The following LHX4 variants were observed in gnomAD, a reference collection of about 807,000 sequenced individuals.
The protein encoded by LHX4 is LIM homeobox 4.
LHX4 carries 16 observed loss-of-function variants against 39.2 expected under a neutral mutation model. The ratio of observed to expected loss-of-function variants is 0.41; its 90% CI spans 0.28 to 0.62. The LOEUF (loss-of-function observed/expected upper bound fraction) is 0.62. Ranked by LOEUF, LHX4 falls within the 20% of genes least tolerant of loss-of-function variation. The pLI is 0.33. For missense variants in LHX4, 439 were observed against 511.9 expected (o/e 0.86, Z 1.37); for synonymous variants, 206 against 198.1 (o/e 1.04, Z -0.33).
At chr1:180,237,046 G>T (rs1294417990) in intron 1 of LHX4, among the ~76,000 whole-genome samples, 1 of 152,188 alleles carries the variant, frequency 6.6e-6, no homozygotes, top group Non-Finnish European at 1.5e-5. Context: ...ACTGCTTTTA[G>T]TAAAATTCCA....
At chr1:180,270,532 A>G (rs1648584045) in intron 3 of LHX4, 1 of 152,274 alleles carries the variant, frequency 6.6e-6, no homozygotes, top group Non-Finnish European at 1.5e-5. Context: ...CTGACTTTGA[A>G]TGGAACAAAC....
Position 180,275,486 on chromosome 1 carries a change from G to C in LHX4, c.*907G>C, listed in dbSNP as rs992201734. 1 of 152,236 alleles carries C rather than the reference G, an allele frequency of 6.6e-6. No homozygotes were observed. The highest frequency in any genetic ancestry group is 6.5e-5 in the Admixed American group (1 of 15,288). The allele number at this position is 152,236 out of a possible 1,614,324, so 9.4% of individuals were successfully genotyped here. A position where few individuals can be genotyped will look rare whatever the true frequency, so the allele number is the denominator to read the frequency against. ...GACACATTTGGATTCCAAACCTGCA[G>C]TCTGTTCAGCCATATCGGCTGATGC... is the stretch of plus-strand genomic sequence containing the variant. On this transcript the variant is annotated 3_prime_UTR_variant, in exon 6 of 6. Transcript: ENST00000263726.
At chr1:180,247,530 C>T (rs1423167761) in intron 1 of LHX4, among the ~76,000 whole-genome samples, 1 of 152,190 alleles carries the variant, frequency 6.6e-6, no homozygotes, top group Non-Finnish European at 1.5e-5. Flanking sequence ...CCTCAGCTAT[C>T]CTGACATTTA....
chr1:180,236,904 C>T (rs2149252840), intron 1 of LHX4, among the ~76,000 whole-genome samples: 1 of 152,274 alleles, frequency 6.6e-6, no homozygotes, highest in African/African-American at 2.4e-5. Context: ...GCTGCATAGA[C>T]GGCTGAATTT....
chr1:180,230,372 C>T lies in LHX4; in HGVS notation c.-158C>T. ...CTGGCGGGGGGAGGGGGCCGGCCAG[C>T]CTGTGGAGTCCTCCCTGAGAAGCGG... On this transcript the variant is annotated 5_prime_UTR_variant, in exon 1 of 6. Coordinates refer to ENST00000263726, the MANE Select transcript of LHX4 (RefSeq NM_033343.4). This position sits in a 1 kb window ranked among gnomAD's most constrained non-coding sequence, Gnocchi z 5.8. The T allele has an allele frequency of 1.5e-6, 1 of 675,572 alleles. No homozygotes were observed. Among genetic ancestry groups the T allele is most frequent in the Non-Finnish European group, 2.7e-6 (1 of 375,812 alleles). 41.8% of individuals were successfully genotyped at this position (675,572 alleles called of 1,614,324 possible).
intron 3 of LHX4, chr1:180,269,530 G>A (rs553523891): frequency 3.3e-5 from 5 of 152,278 alleles, no homozygotes; most frequent in East Asian, 1.9e-4. Context: ...CCGAACCAGC[G>A]GGCCACCAAC....
intron 2 of LHX4, among the ~76,000 whole-genome samples, chr1:180,253,890 G>A (rs1264862365): frequency 6.6e-6 from 1 of 152,214 alleles, no homozygotes; most frequent in African/African-American, 2.4e-5. Flanking sequence ...ACTGCCTGGA[G>A]CTCCTCAGTT....
chr1:180,260,922 C>T (rs987140544), intron 2 of LHX4, among the ~76,000 whole-genome samples: 2 of 151,874 alleles, frequency 1.3e-5, no homozygotes, highest in South Asian at 4.1e-4. Flanking sequence ...GTCGGCACCT[C>T]ACCTCTCTGA....
intron 1 of LHX4, among the ~76,000 whole-genome samples, chr1:180,246,349 T>C (rs1647381708): frequency 6.6e-6 from 1 of 152,232 alleles, no homozygotes; most frequent in Admixed American, 6.5e-5. Flanking sequence ...TCTTAGTACA[T>C]TGAGGGTAAT....
intron 2 of LHX4, among the ~76,000 whole-genome samples, chr1:180,257,882 TG>T (rs1647926041): frequency 6.6e-6 from 1 of 152,198 alleles, no homozygotes; most frequent in Non-Finnish European, 1.5e-5. Context: ...GGAGAGGCAC[TG>T]AGTTCAAATC....
intron 2 of LHX4, among the ~76,000 whole-genome samples, chr1:180,261,592 A>G (rs948200267): frequency 1.1e-4 from 17 of 152,140 alleles, no homozygotes; most frequent in African/African-American, 4.1e-4. Context: ...GCAGTGAGCT[A>G]TGATTGTGGC....
intron 2 of LHX4, among the ~76,000 whole-genome samples, chr1:180,265,423 C>G (rs927588823): frequency 6.6e-6 from 1 of 152,186 alleles, no homozygotes; most frequent in Non-Finnish European, 1.5e-5. Context: ...TCCCTCGTCT[C>G]CTATGACCAT....
chr1:180,229,970 G>GGGT (rs1558204957), upstream of LHX4, among the ~76,000 whole-genome samples: 108 of 144,086 alleles, frequency 7.5e-4, 13 homozygotes, highest in Admixed American at 4.7e-4. Context: ...GGGGAGGGGG[G>GGGT]GGGGGTGCCG....
In LHX4 at chr1:180,248,468, C is replaced by T. The variant is rs115032096; in HGVS notation, c.248+12C>T. The T allele has an allele frequency of 2.9e-4, 463 of 1,613,678 alleles. 1 individual carries two copies. In the African/African-American group the frequency reaches 4.5e-3, roughly 16 times the overall value. ...GAGGACTTCTTCAAGTAAGTCAGAACGGTCCGTCTCGTGGCCCTGGCCTGT... is the reference window on the plus strand; with the variant it reads ...GAGGACTTCTTCAAGTAAGTCAGAATGGTCCGTCTCGTGGCCCTGGCCTGT... On this transcript the variant is annotated intron_variant, in intron 2 of 5. Transcript: ENST00000263726.
At chr1:180,243,861 G>C (rs1178529841) in intron 1 of LHX4, among the ~76,000 whole-genome samples, 2 of 152,114 alleles carry the variant, frequency 1.3e-5, no homozygotes, top group Non-Finnish European at 2.9e-5. Context: ...ATCGTGTTGA[G>C]ACTCTCTCTG....
Position 180,272,004 on chromosome 1 carries a change from G to C in LHX4, c.776G>C (p.Arg259Pro), listed in dbSNP as rs375216188. ...GTTAGTGACAGTGAGCTGAGCTTCC[G>C]AGGTGAGCAGGGCTGGAGGGGCCAG... ...CGVSDSELSF[R>P]EDQILSELGH... Residue 259 changes from arginine to proline, a missense_variant and splice_region_variant, in exon 5 of 6, where the codon CGA (arginine) becomes CCA (proline). Arg to Pro is a moderately radical substitution (Grantham distance 103, BLOSUM62 -2). Coordinates refer to ENST00000263726, the MANE Select transcript of LHX4 (RefSeq NM_033343.4). 1 of 1,611,878 alleles carries C rather than the reference G, an allele frequency of 6.2e-7. No individual in the cohort carries two copies. The highest frequency in any genetic ancestry group is 1.3e-5 in the African/African-American group (1 of 74,748).
intron 2 of LHX4, among the ~76,000 whole-genome samples, chr1:180,253,730 C>T (rs1647726300): frequency 6.6e-6 from 1 of 152,206 alleles, no homozygotes; most frequent in African/African-American, 2.4e-5. Context: ...GCTTTGTAAA[C>T]ACTGCCGGGT....
rs931303191 is a variant in LHX4, at chr1:180,232,527, AC to A, written c.76+1929del. Among the ~76,000 whole-genome samples, 4 of 151,602 alleles carry A rather than the reference AC, an allele frequency of 2.6e-5. No individual in the cohort carries two copies. The highest frequency in any genetic ancestry group is 3.9e-4 in the East Asian group (2 of 5,170). ...GGTGTACAAAGGAACTTCCACACCC[AC>A]CCCCCCAGGGTGGCCCAGGGAGGCA... On this transcript the variant is annotated intron_variant, in intron 1 of 5. Coordinates refer to ENST00000263726, the MANE Select transcript of LHX4 (RefSeq NM_033343.4). The surrounding 1 kb of genome is among the most constrained non-coding windows in gnomAD (Gnocchi z 5.4).
chr1:180,271,503 C>G lies in LHX4; in HGVS notation c.575C>G (p.Ser192Ter). Residue 192 changes from serine to a stop codon, truncating the protein, a stop_gained, in exon 4 of 6, where the codon TCA (serine) becomes TGA (stop). Coordinates refer to ENST00000263726, the MANE Select transcript of LHX4 (RefSeq NM_033343.4). LOFTEE classifies it high-confidence loss of function. Reference sequence around the variant, plus strand: ...CGGCACGTGAGGGAGCAGCTGTCCTCAGAGACAGGCCTGGACATGAGGGTC... The same window carrying G: ...CGGCACGTGAGGGAGCAGCTGTCCTGAGAGACAGGCCTGGACATGAGGGTC... ...PARHVREQLS[S>*]ETGLDMRVVQ... 1 of 1,614,176 alleles carries G rather than the reference C, an allele frequency of 6.2e-7. No homozygotes were observed.
Sources: gnomAD v4.1 joint callset for allele counts (sites outside exome capture counted in the v4.1 genomes callset) on GRCh38, gnomAD v4.1.1 for gene constraint, Gnocchi (gnomAD v3.1) non-coding constraint, MANE v1.5 for transcripts, NCBI Gene and HGNC (gene_info 2026-07-23, HGNC 2026-07-21) for gene names.